The following PRKG1 variants were observed in gnomAD, a reference collection of about 807,000 sequenced individuals.
PRKG1 encodes the protein cGMP-dependent protein kinase 1.
Under a neutral mutation model 88.1 loss-of-function variants are expected in PRKG1, and 35 were observed. The observed-to-expected ratio is 0.40, with a 90% confidence interval of 0.30 to 0.53. The LOEUF (loss-of-function observed/expected upper bound fraction) is 0.53. Ranked by LOEUF, PRKG1 falls within the 20% of genes least tolerant of loss-of-function variation. The probability of loss-of-function intolerance (pLI) is 0.59; values close to 1 mark genes in which losing one functional copy is unlikely to be tolerated. For missense variants in PRKG1, 540 were observed against 839.8 expected (o/e 0.64, Z 4.41); for synonymous variants, 303 against 292.5 (o/e 1.04, Z -0.37).
At chr10:51,739,985 C>T (rs774510962) in intron 3 of PRKG1, among the ~76,000 whole-genome samples, 1 of 152,080 alleles carries the variant, frequency 6.6e-6, no homozygotes, top group African/African-American at 2.4e-5. Flanking sequence ...TATTTTTGGT[C>T]TCCAGAGCAC....
intron 3 of PRKG1, among the ~76,000 whole-genome samples, chr10:51,764,282 T>C (rs1299020087): frequency 6.6e-6 from 1 of 152,224 alleles, no homozygotes; most frequent in Non-Finnish European, 1.5e-5. Flanking sequence ...TTAGAGAAAC[T>C]GCTCATAGTG....
intron 3 of PRKG1, among the ~76,000 whole-genome samples, chr10:51,583,785 A>G (rs1219133749): frequency 6.6e-6 from 1 of 152,114 alleles, no homozygotes; most frequent in Non-Finnish European, 1.5e-5. Context: ...GTTTGCATAT[A>G]TACTATAATG....
intron 2 of PRKG1, among the ~76,000 whole-genome samples, chr10:51,432,697 G>A (rs1198024121): frequency 1.3e-5 from 2 of 152,130 alleles, no homozygotes; most frequent in Non-Finnish European, 1.5e-5. Context: ...ATAGTTTTAC[G>A]TCTATATTTC....
chr10:51,635,295 A>G (rs1839628985), intron 3 of PRKG1, among the ~76,000 whole-genome samples: 1 of 152,062 alleles, frequency 6.6e-6, no homozygotes, highest in South Asian at 2.1e-4. Context: ...CAAAAAAAAA[A>G]AAAAAAAGAG....
chr10:51,415,314 A>G lies in PRKG1; in HGVS notation c.479-52409A>G, dbSNP rs112579740. On this transcript the variant is annotated intron_variant, in intron 2 of 17. Transcript: ENST00000373980. ...AATGACTATTGTACTCATTTTACAC[A>G]TAAGTAAAAGGAGGCTTATAGAAAT... Among the ~76,000 whole-genome samples the G allele has an allele frequency of 1.1e-3, 169 of 152,372 alleles. 1 individual carries two copies. Among genetic ancestry groups the G allele is most frequent in the African/African-American group, 4.1e-3 (169 of 41,592 alleles).
At chr10:51,999,740 T>C (rs182727757) in intron 5 of PRKG1, among the ~76,000 whole-genome samples, 9 of 152,242 alleles carry the variant, frequency 5.9e-5, no homozygotes, top group African/African-American at 1.9e-4. Context: ...ATTTAAAGAA[T>C]TAAATTTATA....
intron 3 of PRKG1, among the ~76,000 whole-genome samples, chr10:51,775,922 G>T (rs898389760): frequency 7.9e-5 from 12 of 151,840 alleles, no homozygotes; most frequent in Admixed American, 7.2e-4. Context: ...TTTCCTTCAT[G>T]GTTACCCTTT....
At chr10:51,616,761 T>C (rs1839067423) in intron 3 of PRKG1, among the ~76,000 whole-genome samples, 1 of 152,072 alleles carries the variant, frequency 6.6e-6, no homozygotes, top group Non-Finnish European at 1.5e-5. Context: ...ATGGTAGTGG[T>C]TGTGCTGTAG....
intron 2 of PRKG1, among the ~76,000 whole-genome samples, chr10:51,252,014 G>A (rs1235301413): frequency 6.7e-6 from 1 of 149,772 alleles, no homozygotes; most frequent in Non-Finnish European, 1.5e-5. Flanking sequence ...GCAGTATATT[G>A]CATACTATTG....
intron 7 of PRKG1, among the ~76,000 whole-genome samples, chr10:52,079,516 T>G (rs1846715182): frequency 1.3e-5 from 2 of 152,194 alleles, no homozygotes. Context: ...TCGTGACTTC[T>G]GTTTCCCTCT....
intron 3 of PRKG1, among the ~76,000 whole-genome samples, chr10:51,536,106 T>G (rs1356061222): frequency 1.3e-5 from 2 of 152,150 alleles, no homozygotes; most frequent in Admixed American, 1.3e-4. Flanking sequence ...ATAGGGGGTA[T>G]GATACTAATG....
chr10:51,326,903 G>A (rs948172454), intron 2 of PRKG1, among the ~76,000 whole-genome samples: 1 of 152,034 alleles, frequency 6.6e-6, no homozygotes, highest in Admixed American at 6.6e-5. Context: ...ATTATGCTTG[G>A]GAAACTGTTT....
At chr10:52,013,785 T>C (rs10823955) in intron 5 of PRKG1, among the ~76,000 whole-genome samples, 2 of 152,044 alleles carry the variant, frequency 1.3e-5, no homozygotes, top group Non-Finnish European at 2.9e-5. Flanking sequence ...GTTAGTAAGA[T>C]AGCTATGGCA....
intron 17 of PRKG1, among the ~76,000 whole-genome samples, chr10:52,293,354 T>C (rs577188059): frequency 4.4e-4 from 66 of 151,482 alleles, no homozygotes; most frequent in African/African-American, 1.5e-3. Context: ...ATTTATAGAT[T>C]CAATGCCATC....
At chr10:52,097,967 T>C (rs1379778627) in intron 7 of PRKG1, among the ~76,000 whole-genome samples, 1 of 152,096 alleles carries the variant, frequency 6.6e-6, no homozygotes. Flanking sequence ...TTTTATTTGC[T>C]TAGCTATCAA....
intron 3 of PRKG1, among the ~76,000 whole-genome samples, chr10:51,755,743 C>T (rs1382364876): frequency 6.6e-6 from 1 of 152,174 alleles, no homozygotes; most frequent in Admixed American, 6.5e-5. Flanking sequence ...TGGCATCATG[C>T]ATTTGGATTT....
chr10:51,460,073 T>C (rs1000030208), intron 2 of PRKG1, among the ~76,000 whole-genome samples: 1 of 152,084 alleles, frequency 6.6e-6, no homozygotes, highest in Non-Finnish European at 1.5e-5. Flanking sequence ...TTCTTTCTTG[T>C]GGGGGCACTA....
intron 3 of PRKG1, among the ~76,000 whole-genome samples, chr10:51,486,035 G>A (rs1840526795): frequency 6.6e-6 from 1 of 151,968 alleles, no homozygotes; most frequent in African/African-American, 2.4e-5. Flanking sequence ...ATTTCTTGAG[G>A]CCCCTCTCCA....
chr10:51,445,611 T>A (rs1189884272), intron 2 of PRKG1, among the ~76,000 whole-genome samples: 1 of 151,848 alleles, frequency 6.6e-6, no homozygotes, highest in African/African-American at 2.4e-5. Flanking sequence ...TGTAGAAAAA[T>A]TTCATTTTTT....
Sources: allele counts gnomAD v4.1 joint callset (sites outside exome capture counted in the v4.1 genomes callset), GRCh38; gene constraint gnomAD v4.1.1; transcripts MANE v1.5; gene names NCBI Gene and HGNC (gene_info 2026-07-23, HGNC 2026-07-21).